Variants in ROR1 observed in about 807,000 individuals in gnomAD.
The protein encoded by ROR1 is inactive tyrosine-protein kinase transmembrane receptor ROR1.
ROR1 carries 19 observed loss-of-function variants against 78.8 expected under a neutral mutation model. That is an observed-to-expected ratio of 0.24 (90% CI 0.17 to 0.35). ROR1 has a LOEUF of 0.35. Ranked by LOEUF, ROR1 falls within the 10% of genes least tolerant of loss-of-function variation. ROR1 has a pLI of 1.00. For missense variants in ROR1, 917 were observed against 1,177.8 expected (o/e 0.78, Z 3.24); for synonymous variants, 386 against 433.6 (o/e 0.89, Z 1.36).
At position 64,159,126 on chromosome 1, in the gene ROR1, G is replaced by A. The variant is rs1247246143; in HGVS notation, c.1320G>A (p.Gln440=). 1.9e-6 allele frequency: 3 copies of A among 1,614,020 alleles called. No individual in the cohort carries two copies. The highest frequency in any genetic ancestry group is 2.5e-6 in the Non-Finnish European group (3 of 1,180,020). The change falls in exon 8 of 9, where the codon CAG becomes CAA. Residue 440 remains glutamine (Q), a synonymous_variant. Coordinates refer to ENST00000371079, the MANE Select transcript of ROR1 (RefSeq NM_005012.4). ...AGAAGTCATCGTCGGCACCAGTCCA[G>A]AGGCAACCAAAACACGTCAGAGGTC... ...NNQKSSSAPV[Q]RQPKHVRGQN...
At chr1:63,868,512 A>G (rs1332832319) in intron 1 of ROR1, among the ~76,000 whole-genome samples, 1 of 152,198 alleles carries the variant, frequency 6.6e-6, no homozygotes, top group Non-Finnish European at 1.5e-5. Flanking sequence ...GCTTTGGGCA[A>G]TTTACTTAAT....
intron 1 of ROR1, among the ~76,000 whole-genome samples, chr1:63,863,839 G>T (rs746078596): frequency 5.2e-4 from 78 of 151,426 alleles, no homozygotes; most frequent in Admixed American, 1.8e-3. Flanking sequence ...TAACCAAATG[G>T]TCAACTTTGC....
chr1:64,126,188 G>T (rs902795082), intron 4 of ROR1, among the ~76,000 whole-genome samples: 1 of 152,176 alleles, frequency 6.6e-6, no homozygotes, highest in African/African-American at 2.4e-5. Flanking sequence ...AAACATCAGT[G>T]CCAGTGTGAT....
intron 5 of ROR1, among the ~76,000 whole-genome samples, chr1:64,139,189 A>G (rs1039636272): frequency 2.6e-5 from 4 of 151,524 alleles, no homozygotes; most frequent in Non-Finnish European, 4.4e-5. Flanking sequence ...AAAAAAAAAA[A>G]AAGTGGAAGT....
chr1:64,123,966 T>A (rs1011660945), intron 4 of ROR1, among the ~76,000 whole-genome samples: 1 of 152,162 alleles, frequency 6.6e-6, no homozygotes, highest in Admixed American at 6.5e-5. Flanking sequence ...AATGATAAGT[T>A]GAATATAATG....
intron 1 of ROR1, among the ~76,000 whole-genome samples, chr1:63,907,347 C>T (rs1198122773): frequency 6.6e-6 from 1 of 152,174 alleles, no homozygotes; most frequent in Non-Finnish European, 1.5e-5. Flanking sequence ...CTTTCTGAGC[C>T]TCAGTTTCCT....
At chr1:63,837,959 G>T (rs997503355) in intron 1 of ROR1, among the ~76,000 whole-genome samples, 1 of 152,124 alleles carries the variant, frequency 6.6e-6, no homozygotes, top group Non-Finnish European at 1.5e-5. Context: ...GGTCCAATAG[G>T]GTTATAATGG....
At chr1:63,969,162 T>C (rs569564182) in intron 1 of ROR1, among the ~76,000 whole-genome samples, 1 of 152,314 alleles carries the variant, frequency 6.6e-6, no homozygotes, top group South Asian at 2.1e-4. Context: ...ACTGAGTTGC[T>C]GCTTTTTGTG....
At chr1:63,851,626 A>G (rs998084939) in intron 1 of ROR1, among the ~76,000 whole-genome samples, 2 of 152,092 alleles carry the variant, frequency 1.3e-5, no homozygotes, top group Non-Finnish European at 2.9e-5. Context: ...TCATTGCCCT[A>G]TTTTTCTGTT....
chr1:63,805,092 T>C (rs1231721935), intron 1 of ROR1, among the ~76,000 whole-genome samples: 1 of 152,248 alleles, frequency 6.6e-6, no homozygotes, highest in Non-Finnish European at 1.5e-5. Flanking sequence ...CTTTTGAAGA[T>C]TCTGCTCCCC....
chr1:63,969,443 G>C (rs1269529507), intron 1 of ROR1, among the ~76,000 whole-genome samples: 4 of 152,054 alleles, frequency 2.6e-5, no homozygotes, highest in Admixed American at 2.6e-4. Flanking sequence ...GTCTAGGCTG[G>C]GGTGCCCTCC....
At chr1:64,032,335 C>T (rs1325339884) in intron 2 of ROR1, among the ~76,000 whole-genome samples, 1 of 106,322 alleles carries the variant, frequency 9.4e-6, no homozygotes, top group Non-Finnish European at 2.0e-5. Flanking sequence ...AGTGAGACTC[C>T]GTCTCAAAAA....
chr1:64,090,910 T>C (rs144359767), intron 4 of ROR1, among the ~76,000 whole-genome samples: 1,970 of 152,326 alleles, frequency 0.013, 20 homozygotes, highest in Non-Finnish European at 0.022. Flanking sequence ...ACACTCAGCA[T>C]GGGCCTATTG....
intron 2 of ROR1, among the ~76,000 whole-genome samples, chr1:64,041,296 T>C: frequency 6.6e-6 from 1 of 152,192 alleles, no homozygotes; most frequent in East Asian, 1.9e-4. Context: ...CCCACCTTTA[T>C]TAATTATACC....
chr1:63,815,459 T>C (rs1553134012), intron 1 of ROR1, among the ~76,000 whole-genome samples: 1 of 143,770 alleles, frequency 7.0e-6, no homozygotes, highest in Admixed American at 6.7e-5. Context: ...TTTTTTTTCT[T>C]TTTCTTTTCT....
intron 1 of ROR1, among the ~76,000 whole-genome samples, chr1:63,949,763 G>A (rs1363496213): frequency 6.6e-6 from 1 of 152,094 alleles, no homozygotes; most frequent in Non-Finnish European, 1.5e-5. Context: ...GTTTCTCAAA[G>A]GGGGTAGCCC....
chr1:63,855,504 C>T (rs776193680), intron 1 of ROR1, among the ~76,000 whole-genome samples: 3 of 152,058 alleles, frequency 2.0e-5, no homozygotes, highest in Non-Finnish European at 2.9e-5. Context: ...CCCTTTTTCC[C>T]TCTGTATCTT....
At chr1:64,064,581 C>T (rs1557634420) in intron 4 of ROR1, among the ~76,000 whole-genome samples, 1 of 152,220 alleles carries the variant, frequency 6.6e-6, no homozygotes, top group African/African-American at 2.4e-5. Context: ...AGATTGATTT[C>T]CATGCCACTA....
chr1:64,037,390 A>AG (rs1270621717), intron 2 of ROR1, among the ~76,000 whole-genome samples: 1 of 152,212 alleles, frequency 6.6e-6, no homozygotes, highest in African/African-American at 2.4e-5. Flanking sequence ...CTTCACTGAC[A>AG]GCTACATCCA....
Sources: gnomAD v4.1 joint callset for allele counts (sites outside exome capture counted in the v4.1 genomes callset) on GRCh38, gnomAD v4.1.1 for gene constraint, MANE v1.5 for transcripts, NCBI Gene and HGNC (gene_info 2026-07-23, HGNC 2026-07-21) for gene names.